Variants in NHS observed in about 807,000 individuals in gnomAD.
NHS encodes the protein actin remodeling regulator NHS.
A neutral mutation model predicts 72.5 loss-of-function variants in NHS; 5 were observed. The ratio of observed to expected loss-of-function variants is 0.07; its 90% confidence interval spans 0.04 to 0.14. NHS has a LOEUF of 0.14. Ranked by LOEUF, NHS falls within the 10% of genes least tolerant of loss-of-function variation. NHS has a pLI of 1.00. For synonymous variants in NHS, 464 were observed against 547.7 expected (o/e 0.85, Z 2.13); for missense variants, 1,072 against 1,355.7 (o/e 0.79, Z 3.29).
chrX:17,381,464 C>T (rs771037347), intron 1 of NHS, among the ~76,000 whole-genome samples: 5 of 111,533 alleles, frequency 4.5e-5, no homozygotes, highest in Non-Finnish European at 9.4e-5. Context: ...CAGTCAATAT[C>T]CCCCTTCCCA....
At chrX:17,692,030 T>TTTGTTG (rs768650135) in intron 2 of NHS, among the ~76,000 whole-genome samples, 2 of 111,431 alleles carry the variant, frequency 1.8e-5, no homozygotes, top group Non-Finnish European at 3.8e-5. Context: ...GTTCTCAACT[T>TTTGTTG]TTGTTGTTGT....
intron 1 of NHS, among the ~76,000 whole-genome samples, chrX:17,419,827 A>G (rs1226181213): frequency 8.9e-6 from 1 of 111,901 alleles, no homozygotes; most frequent in Non-Finnish European, 1.9e-5. Context: ...CTAGAAAGTC[A>G]TAATTTTGAA....
intron 3 of NHS, among the ~76,000 whole-genome samples, chrX:17,700,370 G>C (rs1359016551): frequency 9.2e-6 from 1 of 108,584 alleles, no homozygotes; most frequent in Non-Finnish European, 1.9e-5. Context: ...CTTGAGCTTG[G>C]GGAGGTTGAG....
intron 1 of NHS, among the ~76,000 whole-genome samples, chrX:17,665,761 T>C (rs1285664544): frequency 8.9e-6 from 1 of 112,348 alleles, no homozygotes; most frequent in East Asian, 2.8e-4. Context: ...AAATGTTGGA[T>C]GGAATTCACT....
At chrX:17,529,258 A>C (rs1313265564) in intron 1 of NHS, among the ~76,000 whole-genome samples, 1 of 112,068 alleles carries the variant, frequency 8.9e-6, no homozygotes, top group Non-Finnish European at 1.9e-5. Flanking sequence ...TTTTCTAGGG[A>C]AAACACTTTG....
At chrX:17,589,431 T>C (rs181888870) in intron 1 of NHS, among the ~76,000 whole-genome samples, 2 of 112,298 alleles carry the variant, frequency 1.8e-5, no homozygotes, top group Non-Finnish European at 3.8e-5. Context: ...TTTCCATTCC[T>C]GAGTTACATC....
At chrX:17,542,269 C>A (rs1475665165) in intron 1 of NHS, among the ~76,000 whole-genome samples, 1 of 113,315 alleles carries the variant, frequency 8.8e-6, no homozygotes, top group Non-Finnish European at 1.9e-5. Context: ...TACTTGCATG[C>A]CTGCTCTCCG....
chrX:17,729,739 G>C (rs959943002), intron 8 of NHS, among the ~76,000 whole-genome samples: 6 of 111,945 alleles, frequency 5.4e-5, no homozygotes, highest in African/African-American at 2.0e-4. Context: ...ATATAACTGA[G>C]CTAGCCAATC....
rs916082123 is a variant in NHS, at chrX:17,376,853, G to A, written c.565+531G>A. On this transcript the variant is annotated intron_variant, in intron 1 of 8. Transcript: ENST00000676302. ...GTCACTCGCTGTGACCTCAGGTGCT[G>A]CCCCGAGCTCCGAACTTGTGCCTTG... Among the ~76,000 whole-genome samples, 37 of 113,177 alleles carry A rather than the reference G, an allele frequency of 3.3e-4. 1 individual carries two copies. Among genetic ancestry groups the A allele is most frequent in the African/African-American group, 1.0e-3 (32 of 31,236 alleles).
Position 17,582,575 on chromosome X carries a change from C to T in NHS, c.566-105167C>T, listed in dbSNP as rs1175312953. ...GCCTTTTCTTGGATATGCTAGAGCT[C>T]TTCAGACATGGAGGACAGTGCGCTC... On this transcript the variant is annotated intron_variant, in intron 1 of 8. Transcript: ENST00000676302. Among the ~76,000 whole-genome samples, 8 of 111,593 alleles carry T rather than the reference C, an allele frequency of 7.2e-5. No individual in the cohort carries two copies. In the Admixed American group the frequency reaches 7.6e-4, roughly 11 times the overall value.
chrX:17,680,022 G>A (rs2066116718), intron 1 of NHS, among the ~76,000 whole-genome samples: 1 of 112,320 alleles, frequency 8.9e-6, no homozygotes, highest in Non-Finnish European at 1.9e-5. Flanking sequence ...AGCAGCTCTT[G>A]GCGGGTGTGT....
At chrX:17,415,058 G>T (rs1195357065) in intron 1 of NHS, among the ~76,000 whole-genome samples, 1 of 111,177 alleles carries the variant, frequency 9.0e-6, no homozygotes, top group Non-Finnish European at 1.9e-5. Flanking sequence ...ATATCACATA[G>T]GGGTGGAGAC....
At chrX:17,433,268 C>T (rs368364849) in intron 1 of NHS, among the ~76,000 whole-genome samples, 119 of 89,877 alleles carry the variant, frequency 1.3e-3, no homozygotes, top group African/African-American at 4.9e-3. Flanking sequence ...CCAGGATGGT[C>T]TTGATCTCCT....
intron 1 of NHS, among the ~76,000 whole-genome samples, chrX:17,503,121 C>T (rs1016855972): frequency 3.6e-5 from 4 of 112,100 alleles, no homozygotes; most frequent in Admixed American, 9.5e-5. Context: ...GCCTTCCTGG[C>T]CCTTATAAAT....
intron 1 of NHS, among the ~76,000 whole-genome samples, chrX:17,452,470 C>T (rs2064809383): frequency 9.1e-6 from 1 of 109,426 alleles, no homozygotes; most frequent in African/African-American, 3.3e-5. Flanking sequence ...CCACCATTCC[C>T]TGGGCTCAGT....
chrX:17,715,375 G>A (rs2066358819), intron 3 of NHS, among the ~76,000 whole-genome samples: 1 of 112,658 alleles, frequency 8.9e-6, no homozygotes, highest in Non-Finnish European at 1.9e-5. Context: ...TTTAATGGCT[G>A]AGTAGTATTC....
intron 1 of NHS, among the ~76,000 whole-genome samples, chrX:17,605,462 G>A (rs1037418053): frequency 2.7e-5 from 3 of 111,461 alleles, no homozygotes; most frequent in African/African-American, 9.8e-5. Context: ...GGGTAGCTTC[G>A]TTAACTTAGA....
intron 1 of NHS, among the ~76,000 whole-genome samples, chrX:17,475,058 G>C (rs1342373082): frequency 9.0e-6 from 1 of 111,697 alleles, no homozygotes; most frequent in Admixed American, 9.5e-5. Context: ...TAAGGGATTG[G>C]GGGAAGGGAG....
At chrX:17,389,458 G>A (rs1438770188) in intron 1 of NHS, among the ~76,000 whole-genome samples, 1 of 111,472 alleles carries the variant, frequency 9.0e-6, no homozygotes, top group Non-Finnish European at 1.9e-5. Context: ...CTCACTTTTG[G>A]TCTGATGGTG....
Sources: allele counts gnomAD v4.1 joint callset (sites outside exome capture counted in the v4.1 genomes callset), GRCh38; gene constraint gnomAD v4.1.1; transcripts MANE v1.5; gene names NCBI Gene and HGNC (gene_info 2026-07-23, HGNC 2026-07-21).